FRK: variants seen among roughly 807,000 people sequenced by gnomAD.
The protein encoded by FRK is tyrosine-protein kinase FRK.
In FRK, 51 loss-of-function variants were observed where a neutral mutation model predicts 56.4. That is an observed-to-expected ratio of 0.90 (90% CI 0.72 to 1.14). The LOEUF is 1.14. FRK is among the 50% of genes most tolerant of loss of function. FRK has a pLI of 0.00. For missense variants in FRK, 570 were observed against 601.4 expected (o/e 0.95, Z 0.55); for synonymous variants, 245 against 217.9 (o/e 1.12, Z -1.10).
At chr6:115,992,182 A>G (rs1774639537) in intron 2 of FRK, among the ~76,000 whole-genome samples, 1 of 151,644 alleles carries the variant, frequency 6.6e-6, no homozygotes, top group Admixed American at 6.6e-5. Flanking sequence ...CTTAATAATA[A>G]ACATTGTCTT....
intron 1 of FRK, among the ~76,000 whole-genome samples, chr6:116,013,616 C>T (rs1312345385): frequency 6.6e-6 from 1 of 152,056 alleles, no homozygotes; most frequent in Non-Finnish European, 1.5e-5. Context: ...TAGGAAAATG[C>T]CTTATTTTAT....
intron 1 of FRK, among the ~76,000 whole-genome samples, chr6:116,018,998 T>C (rs907921296): frequency 8.5e-5 from 13 of 152,166 alleles, no homozygotes; most frequent in African/African-American, 2.9e-4. Context: ...AATAGATTCA[T>C]TGCACAAGCC....
intron 1 of FRK, among the ~76,000 whole-genome samples, chr6:116,058,910 C>CAAAAA (rs3049930): frequency 5.1e-5 from 4 of 78,386 alleles, no homozygotes; most frequent in Non-Finnish European, 9.7e-5. Flanking sequence ...GACTCCGTCT[C>CAAAAA]AAAAAAAAAA....
intron 2 of FRK, among the ~76,000 whole-genome samples, chr6:115,970,618 G>C (rs113536146): frequency 3.2e-4 from 48 of 152,248 alleles, no homozygotes; most frequent in African/African-American, 1.2e-3. Context: ...GCAAGGCTAA[G>C]CTGGGCGTGG....
the FRK span, among the ~76,000 whole-genome samples, chr6:116,075,434 G>C: frequency 2.1e-5 from 3 of 145,428 alleles, no homozygotes; most frequent in Non-Finnish European, 1.5e-5. Flanking sequence ...ATTTTGGTGT[G>C]ATTATGCAAA....
At chr6:115,993,585 A>G (rs1774704653) in intron 2 of FRK, among the ~76,000 whole-genome samples, 1 of 151,920 alleles carries the variant, frequency 6.6e-6, no homozygotes, top group African/African-American at 2.4e-5. Flanking sequence ...CCACTACACA[A>G]TATATTCATA....
intron 7 of FRK, 68 bp downstream of exon 7, chr6:115,942,952 A>T: frequency 6.7e-7 from 1 of 1,491,790 alleles, no homozygotes; most frequent in Non-Finnish European, 9.1e-7. Context: ...GTCTGGGCAA[A>T]GCAGTTAAAA....
rs1308603060 is a variant in FRK, at chr6:116,059,961, T to C, written c.344+7A>G. The C allele has an allele frequency of 6.2e-7, 1 of 1,608,336 alleles. No homozygotes were observed. The highest frequency in any genetic ancestry group is 1.3e-5 in the African/African-American group (1 of 74,840). ...TCAGAAATTAAGTATAAGTTTGTAC[T>C]ACTCACGGCTCTGCCTGTAGGCTTC... On this transcript the variant is annotated splice_region_variant and intron_variant, in intron 1 of 7. Coordinates refer to ENST00000606080, the MANE Select transcript of FRK (RefSeq NM_002031.3).
At chr6:115,988,148 G>A (rs763759501) in intron 2 of FRK, among the ~76,000 whole-genome samples, 1 of 152,014 alleles carries the variant, frequency 6.6e-6, no homozygotes, top group Non-Finnish European at 1.5e-5. Context: ...ATAATGCAAG[G>A]CATGTTTCTA....
At chr6:116,020,853 A>G (rs905896006) in intron 1 of FRK, among the ~76,000 whole-genome samples, 1 of 152,124 alleles carries the variant, frequency 6.6e-6, no homozygotes, top group African/African-American at 2.4e-5. Flanking sequence ...TAGTATAACC[A>G]CTTTACCCAA....
At chr6:116,018,820 C>T (rs906178403) in intron 1 of FRK, among the ~76,000 whole-genome samples, 1 of 151,900 alleles carries the variant, frequency 6.6e-6, no homozygotes, top group African/African-American at 2.4e-5. Context: ...ATACTCAGAG[C>T]ATAATAAAAT....
intron 1 of FRK, among the ~76,000 whole-genome samples, chr6:116,026,177 C>T (rs963699693): frequency 5.9e-5 from 9 of 152,108 alleles, no homozygotes; most frequent in Non-Finnish European, 8.8e-5. Context: ...CTCCCTCCTT[C>T]ATGACAGTAC....
chr6:115,967,473 G>T, intron 4 of FRK, 78 bp downstream of exon 4: 1 of 1,416,706 alleles, frequency 7.1e-7, no homozygotes, highest in South Asian at 1.3e-5. Context: ...GCCACCCTAT[G>T]ACCTCTTAGA....
the FRK span, among the ~76,000 whole-genome samples, chr6:116,070,598 T>C: frequency 6.6e-5 from 10 of 152,266 alleles, no homozygotes; most frequent in African/African-American, 2.4e-4. Context: ...AACAAAATCC[T>C]AATGCAAGAA....
intron 1 of FRK, among the ~76,000 whole-genome samples, chr6:116,028,366 G>A (rs1776176285): frequency 6.6e-6 from 1 of 151,840 alleles, no homozygotes; most frequent in Non-Finnish European, 1.5e-5. Context: ...CTTAACATAG[G>A]GTGTGGACTC....
the FRK span, among the ~76,000 whole-genome samples, chr6:116,094,442 C>T: frequency 5.3e-5 from 8 of 152,234 alleles, no homozygotes; most frequent in East Asian, 3.8e-4. Flanking sequence ...AATCCTGGGA[C>T]GGCCTGTAAC....
At chr6:116,020,748 TTCCAACTCCTTGAGTTTCCA>T (rs1350602123) in intron 1 of FRK, among the ~76,000 whole-genome samples, 2 of 146,086 alleles carry the variant, frequency 1.4e-5, no homozygotes, top group Admixed American at 6.7e-5. Context: ...GACACAATTT[TTCCAACTCCTTGAGTTTCCA>T]TACATGTGCT....
At chr6:116,089,060 T>G in the FRK span, among the ~76,000 whole-genome samples, 1 of 152,176 alleles carries the variant, frequency 6.6e-6, no homozygotes, top group African/African-American at 2.4e-5. Context: ...CAGACATGAG[T>G]GTAAGAACCA....
rs1772107890 is a variant in FRK at position 115,939,176 on chromosome 6, G to T, written c.*3238C>A. The T allele has an allele frequency of 6.6e-6, 1 of 152,134 alleles. No individual in the cohort carries two copies. The highest frequency in any genetic ancestry group is 6.6e-5 in the Admixed American group (1 of 15,254). 9.4% of individuals were successfully genotyped at this position (152,134 alleles called of 1,614,324 possible). A position where few individuals can be genotyped will look rare whatever the true frequency, so the allele number is the denominator to read the frequency against. ...GCTTCATCCCTGAGACACAAGGCTG[G>T]TTCAACATACGCAAATCAATAAACA... On this transcript the variant is annotated 3_prime_UTR_variant, in exon 8 of 8. Transcript: ENST00000606080.
Sources: allele counts gnomAD v4.1 joint callset (sites outside exome capture counted in the v4.1 genomes callset), GRCh38; gene constraint gnomAD v4.1.1; transcripts MANE v1.5; gene names NCBI Gene and HGNC (gene_info 2026-07-23, HGNC 2026-07-21).